SIRT7: variants seen among roughly 807,000 people sequenced by gnomAD.
SIRT7 encodes the protein NAD-dependent protein deacetylase sirtuin-7.
Under a neutral mutation model 42.8 loss-of-function variants are expected in SIRT7, and 32 were observed. That is an observed-to-expected ratio of 0.75 (90% CI 0.56 to 1.00). The LOEUF (loss-of-function observed/expected upper bound fraction) is 1.00. Ranked by LOEUF, SIRT7 falls within the 50% of genes least tolerant of loss-of-function variation. The probability of loss-of-function intolerance (pLI) is 0.00; values close to 1 mark genes in which losing one functional copy is unlikely to be tolerated. For synonymous variants in SIRT7, 297 were observed against 245.2 expected (o/e 1.21, Z -1.97); for missense variants, 553 against 572.2 (o/e 0.97, Z 0.34).
At chr17:81,917,809 C>G in intron 2 of SIRT7, 21 bp downstream of exon 2, 1 of 1,407,312 alleles carries the variant, frequency 7.1e-7, no homozygotes, top group South Asian at 1.5e-5. Flanking sequence ...GGGGCGCCCG[C>G]GCGCCGCACG....
chr17:81,913,972 C>T lies in SIRT7; in HGVS notation c.898-92G>A. ...GGCCCCTACGGGCTCAGTCGGTGCT[C>T]CCTGAGCACCCACGGGGGCCCTATC... On this transcript the variant is annotated intron_variant, in intron 8 of 9. Coordinates refer to ENST00000328666, the MANE Select transcript of SIRT7 (RefSeq NM_016538.3). This position sits in a 1 kb window ranked among gnomAD's most constrained non-coding sequence, Gnocchi z 5.0. The T allele has an allele frequency of 6.5e-7, 1 of 1,543,638 alleles. No individual in the cohort carries two copies. Among genetic ancestry groups the T allele is most frequent in the Non-Finnish European group, 8.9e-7 (1 of 1,129,404 alleles).
chr17:81,912,605 A>T lies in SIRT7; in HGVS notation c.1014T>A (p.Asp338Glu). 3 of 1,613,052 alleles carry T rather than the reference A, an allele frequency of 1.9e-6. No individual in the cohort carries two copies. Among genetic ancestry groups the T allele is most frequent in the Non-Finnish European group, 2.5e-6 (3 of 1,179,868 alleles). ...LEIPAYSRWQ[D>E]PIFSLATPLR... ...GGGGAGTCGCCAGTGAGAAAATGGGATCCTGCCACCTGCCAAAAAGGGAAA... is the reference window on the plus strand; with the variant it reads ...GGGGAGTCGCCAGTGAGAAAATGGGTTCCTGCCACCTGCCAAAAAGGGAAA... Residue 338 changes from aspartate (D) to glutamate (E), a missense_variant, in exon 10 of 10, where the codon GAT (aspartate) becomes GAA (glutamate). Coordinates refer to ENST00000328666, the MANE Select transcript of SIRT7 (RefSeq NM_016538.3).
chr17:81,917,420 C>T, intron 3 of SIRT7, 195 bp downstream of exon 3: 1 of 484,688 alleles, frequency 2.1e-6, no homozygotes, highest in African/African-American at 2.0e-5. Flanking sequence ...ACACCCCATT[C>T]GTATCTCTAC....
chr17:81,912,504 C>A lies in SIRT7; in HGVS notation c.1115G>T (p.Arg372Leu), dbSNP rs148268197. Residue 372 changes from arginine (R) to leucine (L), a missense_variant, in exon 10 of 10, where the codon CGG (arginine) becomes CTG (leucine). Coordinates refer to ENST00000328666, the MANE Select transcript of SIRT7 (RefSeq NM_016538.3). ...RSREEAPPGDRGAPLSSAPIL... is the reference protein window; with the variant it reads ...RSREEAPPGDLGAPLSSAPIL... ...GGGGGCCGAGCTAAGCGGTGCACCC[C>A]GGTCCCCAGGCGGGGCCTCCTCTCT... 6.2e-7 allele frequency: 1 copy of A among 1,613,864 alleles called. No homozygotes were observed. Among genetic ancestry groups the A allele is most frequent in the East Asian group, 2.2e-5 (1 of 44,880 alleles).
At chr17:81,914,244 C>T (rs1394346140) in intron 7 of SIRT7, 50 bp downstream of exon 7, 2 of 1,611,772 alleles carry the variant, frequency 1.2e-6, no homozygotes, top group African/African-American at 1.3e-5. Context: ...GAGCTGGACA[C>T]CCTCGGGCGG....
intron 5 of SIRT7, 100 bp from the exon 6 acceptor site, chr17:81,914,802 G>T (rs1023073010): frequency 9.3e-6 from 9 of 972,034 alleles, no homozygotes; most frequent in African/African-American, 4.8e-5. Flanking sequence ...CCCGCCGATG[G>T]CTCCCAAAAC....
intron 2 of SIRT7, 32 bp downstream of exon 2, chr17:81,917,798 G>A (rs1438052187): frequency 2.1e-5 from 29 of 1,406,632 alleles, no homozygotes; most frequent in Middle Eastern, 2.5e-4. Flanking sequence ...TCCCGAAACC[G>A]GGGGCGCCCG....
chr17:81,914,540 A>G lies in SIRT7; in HGVS notation c.580-10T>C, dbSNP rs1444027694. ...CGCAGGAGGTACAGACCTAGAGGCA[A>G]GAGGGCACAGTGAGTGGGACCCGCC... On this transcript the variant is annotated splice_polypyrimidine_tract_variant and intron_variant, in intron 6 of 9. Transcript: ENST00000328666. 1.2e-6 allele frequency: 2 copies of G among 1,613,008 alleles called. No individual in the cohort carries two copies. The highest frequency in any genetic ancestry group is 1.7e-6 in the Non-Finnish European group (2 of 1,179,938).
rs754640481 is a variant in SIRT7, at chr17:81,915,697, A to T, written c.337-16T>A. The T allele has an allele frequency of 2.5e-6, 4 of 1,613,146 alleles. No homozygotes were observed. The South Asian group carries it at 4.4e-5, about 18-fold the overall frequency. On this transcript the variant is annotated splice_polypyrimidine_tract_variant and intron_variant, in intron 3 of 9. Coordinates refer to ENST00000328666, the MANE Select transcript of SIRT7 (RefSeq NM_016538.3). ...TAGACGCTGCCTGCATGTCGAGAAA[A>T]AAGGTAAGCCAAGTCAAAAGGCACC...
rs1019279256 is a variant in SIRT7 at position 81,914,522 on chromosome 17, G to A, written c.588C>T (p.Thr196=). ...LHGNMYIEVC[T]SCVPNREYVR... ...CGTACTCCCTGTTGGGAACGCAGGAGGTACAGACCTAGAGGCAAGAGGGCA... is the reference window on the plus strand; with the variant it reads ...CGTACTCCCTGTTGGGAACGCAGGAAGTACAGACCTAGAGGCAAGAGGGCA... The change falls in exon 7 of 10, where the codon ACC becomes ACT. Residue 196 remains threonine, a synonymous_variant. Transcript: ENST00000328666. The A allele has an allele frequency of 1.4e-5, 22 of 1,613,154 alleles. No individual in the cohort carries two copies. Among genetic ancestry groups the A allele is most frequent in the Non-Finnish European group, 1.6e-5 (19 of 1,180,026 alleles).
At chr17:81,915,819 G>C (rs1475429051) in intron 3 of SIRT7, 138 bp from the exon 4 acceptor site, 6 of 935,576 alleles carry the variant, frequency 6.4e-6, no homozygotes, top group Non-Finnish European at 1.0e-5. Flanking sequence ...TCATTCCACA[G>C]GCTGACCTGC....
chr17:81,912,262 C>A lies in SIRT7; in HGVS notation c.*154G>T, dbSNP rs1409699342. On this transcript the variant is annotated 3_prime_UTR_variant, in exon 10 of 10. Coordinates refer to ENST00000328666, the MANE Select transcript of SIRT7 (RefSeq NM_016538.3). ...GTATCAGGGTACAACCGCAGCAGTG[C>A]AAGGGGCTTCCTCAAGGACAAATGG... is the stretch of plus-strand genomic sequence containing the variant. The A allele has an allele frequency of 3.2e-6, 3 of 945,270 alleles. No individual in the cohort carries two copies. The highest frequency in any genetic ancestry group is 4.9e-6 in the Non-Finnish European group (3 of 610,450). The allele number at this position is 945,270 out of a possible 1,614,324, so 58.6% of individuals were successfully genotyped here. A position where few individuals can be genotyped will look rare whatever the true frequency, so the allele number is the denominator to read the frequency against.
In SIRT7 at chr17:81,917,881, C is replaced by T; in HGVS notation, c.180G>A (p.Glu60=). 1 of 1,439,154 alleles carries T rather than the reference C, an allele frequency of 6.9e-7. No individual in the cohort carries two copies. The highest frequency in any genetic ancestry group is 9.1e-7 in the Non-Finnish European group (1 of 1,099,530). 89.1% of individuals were successfully genotyped at this position (1,439,154 alleles called of 1,614,324 possible). A position where few individuals can be genotyped will look rare whatever the true frequency, so the allele number is the denominator to read the frequency against. ...CGCGCCGCCGGCTCCGGCCCTGCAG[C>T]TCCGTTACCAGGTCCGCGCTCTCGG... ...LLAESADLVT[E]LQGRSRRREG... is the part of the protein sequence containing the mutation. Residue 60 remains glutamate, a synonymous_variant, in exon 2 of 10, where the codon GAG becomes GAA. Coordinates refer to ENST00000328666, the MANE Select transcript of SIRT7 (RefSeq NM_016538.3).
Position 81,918,126 on chromosome 17 carries a change from T to G in SIRT7, c.6A>C (p.Ala2=), listed in dbSNP as rs773113485. The part of the protein sequence containing the change: M[A]AGGLSRSERK... ...GCTCGGAGCGGCTCAGACCCCCGGCTGCCATCGCTCCCCTGGAGACCTGCT... is the reference window on the plus strand; with the variant it reads ...GCTCGGAGCGGCTCAGACCCCCGGCGGCCATCGCTCCCCTGGAGACCTGCT... The change falls in exon 1 of 10, where the codon GCA becomes GCC. Residue 2 remains alanine (A), a synonymous_variant. Transcript: ENST00000328666. 4 of 1,532,994 alleles carry G rather than the reference T, an allele frequency of 2.6e-6. No individual in the cohort carries two copies. Among genetic ancestry groups the G allele is most frequent in the South Asian group, 2.4e-5 (2 of 84,120 alleles). 95.0% of individuals were successfully genotyped at this position (1,532,994 alleles called of 1,614,324 possible).
intron 3 of SIRT7, 105 bp downstream of exon 3, chr17:81,917,510 C>T: frequency 9.8e-7 from 1 of 1,018,488 alleles, no homozygotes; most frequent in South Asian, 2.4e-5. Context: ...TTGGTCATTT[C>T]GTTTCTTTAA....
At position 81,912,432 on chromosome 17, in the gene SIRT7, C is replaced by T; in HGVS notation, c.1187G>A (p.Arg396Lys). The T allele has an allele frequency of 1.2e-6, 2 of 1,614,108 alleles. No homozygotes were observed. The highest frequency in any genetic ancestry group is 1.7e-6 in the Non-Finnish European group (2 of 1,180,034). ...FGRGCTKRTK[R>K]KKVT ...AGCACGTGATTACGTCACTTTCTTC[C>T]TTTTTGTGCGTTTTGTGCAGCCCCT... The change falls in exon 10 of 10, where the codon AGG becomes AAG. Residue 396 changes from arginine (R) to lysine (K), a missense_variant. Coordinates refer to ENST00000328666, the MANE Select transcript of SIRT7 (RefSeq NM_016538.3).
Position 81,913,356 on chromosome 17 carries a change from T to C in SIRT7, c.1004+418A>G. The C allele has an allele frequency of 4.5e-6, 2 of 447,990 alleles. No homozygotes were observed. The highest frequency in any genetic ancestry group is 8.9e-6 in the Non-Finnish European group (2 of 225,838). The allele number at this position is 447,990 out of a possible 1,614,324, so 27.8% of individuals were successfully genotyped here. ...CTCAATACATACACCAAGTCTAAAT[T>C]ATCACAAATTCTGTATTAAGGCACA... On this transcript the variant is annotated intron_variant, in intron 9 of 9. Transcript: ENST00000328666. This position sits in a 1 kb window ranked among gnomAD's most constrained non-coding sequence, Gnocchi z 5.0.
In SIRT7 at chr17:81,918,093, C is replaced by G; in HGVS notation, c.39G>C (p.Ala13=). The change falls in exon 1 of 10, where the codon GCG becomes GCC. Residue 13 remains alanine (A), a synonymous_variant. Transcript: ENST00000328666. ...CCCGCAACCTCCGGACCCGCTCCGCCGCTTTGCGCTCGGAGCGGCTCAGAC... is the reference window on the plus strand; with the variant it reads ...CCCGCAACCTCCGGACCCGCTCCGCGGCTTTGCGCTCGGAGCGGCTCAGAC... ...AGGLSRSERK[A]AERVRRLREE... 1 of 1,551,748 alleles carries G rather than the reference C, an allele frequency of 6.4e-7. No individual in the cohort carries two copies. Among genetic ancestry groups the G allele is most frequent in the Non-Finnish European group, 8.6e-7 (1 of 1,160,104 alleles).
rs199928575 is a variant in SIRT7 at position 81,914,290 on chromosome 17, G to A, written c.816+4C>T. On this transcript the variant is annotated splice_donor_region_variant and intron_variant, in intron 7 of 9. Coordinates refer to ENST00000328666, the MANE Select transcript of SIRT7 (RefSeq NM_016538.3). ...GGTTCACTCATTGTGTCATCGGCAC[G>A]TACCTTCAGGCTGGACCCTAGACAC... 64 of 1,613,018 alleles carry A rather than the reference G, an allele frequency of 4.0e-5. No individual in the cohort carries two copies. The East Asian group carries it at 1.3e-3, about 32-fold the overall frequency.
Sources: gnomAD v4.1 joint callset for allele counts on GRCh38, gnomAD v4.1.1 for gene constraint, Gnocchi (gnomAD v3.1) non-coding constraint, MANE v1.5 for transcripts, NCBI Gene and HGNC (gene_info 2026-07-23, HGNC 2026-07-21) for gene names.